SCN1A: variants seen among roughly 807,000 people sequenced by gnomAD.
SCN1A encodes the protein sodium channel protein type 1 subunit alpha.
In SCN1A, 13 loss-of-function variants were observed where a neutral mutation model predicts 193.7. The observed-to-expected ratio is 0.07, with a 90% confidence interval of 0.04 to 0.11. The LOEUF (loss-of-function observed/expected upper bound fraction) is 0.11. Among genes scored for constraint, SCN1A ranks in the 10% least tolerant of loss-of-function variants. The pLI, the probability that SCN1A is intolerant of heterozygous loss-of-function variation, is 1.00. For missense variants in SCN1A, 1,432 were observed against 2,451.1 expected (o/e 0.58, Z 8.78); for synonymous variants, 781 against 843.6 (o/e 0.93, Z 1.29).
At chr2:166,059,190 C>A (rs945594100) in intron 4 of SCN1A, among the ~76,000 whole-genome samples, 2 of 152,096 alleles carry the variant, frequency 1.3e-5, no homozygotes, top group Non-Finnish European at 2.9e-5. Flanking sequence ...CATTATCACT[C>A]TCTTCGTAAT....
At chr2:166,118,298 G>GCTTCTTATTTT (rs371947861) in intron 2 of SCN1A, among the ~76,000 whole-genome samples, 1 of 44,696 alleles carries the variant, frequency 2.2e-5, no homozygotes, top group African/African-American at 7.3e-5. Context: ...TTTCTATTTA[G>GCTTCTTATTTT]TTTCTTTTTT....
intron 2 of SCN1A, among the ~76,000 whole-genome samples, chr2:166,086,062 C>T (rs1686075290): frequency 6.6e-6 from 1 of 151,852 alleles, no homozygotes; most frequent in Non-Finnish European, 1.5e-5. Context: ...AATTCTAAGC[C>T]CCCTGACTGA....
intron 2 of SCN1A, among the ~76,000 whole-genome samples, chr2:166,091,771 T>C (rs899359107): frequency 5.3e-5 from 8 of 152,236 alleles, no homozygotes; most frequent in Non-Finnish European, 1.2e-4. Context: ...GCTTAATGTT[T>C]CTTTCCCCAC....
chr2:166,103,395 GAGCCGAGT>G (rs1387440797), intron 2 of SCN1A, among the ~76,000 whole-genome samples: 2 of 151,818 alleles, frequency 1.3e-5, no homozygotes, highest in Admixed American at 1.3e-4. Context: ...AGGTTGCAGT[GAGCCGAGT>G]TCGCACCGCT....
In SCN1A at chr2:166,013,908, G is replaced by A. The variant is rs1432979521; in HGVS notation, c.3551-10C>T. ...AATCTTTGTACACAGCCTGCAGAAA[G>A]TGTTGAAATAAAAGTAGATAAAGTG... is the stretch of plus-strand genomic sequence containing the variant. On this transcript the variant is annotated splice_polypyrimidine_tract_variant and intron_variant, in intron 20 of 28. Transcript: ENST00000674923. 3 of 1,610,254 alleles carry A rather than the reference G, an allele frequency of 1.9e-6. 1 individual carries two copies. The Admixed American group carries it at 5.0e-5, about 27-fold the overall frequency.
chr2:166,002,861 CTATT>C (rs1239787302), intron 23 of SCN1A, 108 bp from the exon 24 acceptor site: 33 of 894,548 alleles, frequency 3.7e-5, no homozygotes, highest in Non-Finnish European at 2.6e-5. Flanking sequence ...TCTATCAATG[CTATT>C]TATTCTAGGA....
At chr2:166,039,724 G>T (rs1053464268) in intron 16 of SCN1A, 128 bp from the exon 17 acceptor site, 9 of 805,604 alleles carry the variant, frequency 1.1e-5, no homozygotes, top group Non-Finnish European at 1.6e-5. Context: ...AATTTGTATG[G>T]CAATTTGTAG....
chr2:166,097,859 G>T (rs191795752), intron 2 of SCN1A, among the ~76,000 whole-genome samples: 1 of 152,300 alleles, frequency 6.6e-6, no homozygotes, highest in Admixed American at 6.5e-5. Flanking sequence ...GGGATTACAG[G>T]CATGAGCTAT....
chr2:166,107,340 G>A (rs963274913), intron 2 of SCN1A, among the ~76,000 whole-genome samples: 10 of 151,928 alleles, frequency 6.6e-5, no homozygotes, highest in Admixed American at 2.6e-4. Context: ...TCACTGTATC[G>A]TGCAAAGTAC....
intron 2 of SCN1A, among the ~76,000 whole-genome samples, chr2:166,100,597 T>G (rs1206561400): frequency 6.7e-6 from 1 of 149,556 alleles, no homozygotes; most frequent in East Asian, 2.0e-4. Context: ...GGGAGAAAAT[T>G]TTCACAACCT....
rs374087499 is a variant in SCN1A, at chr2:165,996,043, T to C, written c.4551A>G (p.Lys1517=). ...YYNAMKKLGS[K]KPQKPIPRPG... ...GTCGAGGTATAGGCTTTTGCGGTTTTTTCGATCCTAATTTTTTCATTGCAT... is the reference window on the plus strand; with the variant it reads ...GTCGAGGTATAGGCTTTTGCGGTTTCTTCGATCCTAATTTTTTCATTGCAT... The change falls in exon 27 of 29, where the codon AAA becomes AAG. Residue 1517 remains lysine, a synonymous_variant. Coordinates refer to ENST00000674923, the MANE Select transcript of SCN1A (RefSeq NM_001165963.4). 367 of 1,609,700 alleles carry C rather than the reference T, an allele frequency of 2.3e-4. 2 individuals are homozygous for C. In the South Asian group the frequency reaches 3.8e-3, roughly 17 times the overall value.
At chr2:166,135,166 T>A (rs1436396971) in intron 1 of SCN1A, among the ~76,000 whole-genome samples, 1 of 152,194 alleles carries the variant, frequency 6.6e-6, no homozygotes, top group Non-Finnish European at 1.5e-5. Flanking sequence ...ACAATATGAT[T>A]GATTACTTAT....
chr2:166,039,340 C>A, intron 17 of SCN1A, 83 bp downstream of exon 17: 2 of 1,418,402 alleles, frequency 1.4e-6, no homozygotes. Flanking sequence ...GGTTGTGTGG[C>A]AAAAAAACTA....
At chr2:166,076,711 A>T (rs1172612449) in intron 3 of SCN1A, among the ~76,000 whole-genome samples, 1 of 151,942 alleles carries the variant, frequency 6.6e-6, no homozygotes, top group African/African-American at 2.4e-5. Context: ...ATGGAATAGG[A>T]TAGTGAGTGT....
At chr2:166,135,110 C>G (rs575804908) in intron 1 of SCN1A, among the ~76,000 whole-genome samples, 1 of 152,030 alleles carries the variant, frequency 6.6e-6, no homozygotes, top group African/African-American at 2.4e-5. Flanking sequence ...CCCCCTACCC[C>G]CCGACATCCC....
intron 2 of SCN1A, among the ~76,000 whole-genome samples, chr2:166,117,853 C>T (rs1288350533): frequency 6.6e-6 from 1 of 151,974 alleles, no homozygotes; most frequent in Non-Finnish European, 1.5e-5. Context: ...ATCCCAGCTA[C>T]TCAGGAGGCT....
intron 14 of SCN1A, 101 bp downstream of exon 14, chr2:166,043,568 G>A: frequency 7.4e-7 from 1 of 1,352,190 alleles, no homozygotes; most frequent in Non-Finnish European, 1.0e-6. Flanking sequence ...TTCACAGCGT[G>A]ACCAACCAGG....
At chr2:165,984,709 C>T (rs576781023), downstream of SCN1A, 1 of 152,018 alleles carries the variant, frequency 6.6e-6, no homozygotes, top group South Asian at 2.1e-4. Context: ...TGAATTGCTC[C>T]GTGGACATCA....
intron 1 of SCN1A, among the ~76,000 whole-genome samples, chr2:166,141,867 C>A (rs1409580695): frequency 3.3e-5 from 5 of 152,066 alleles, no homozygotes; most frequent in Non-Finnish European, 7.4e-5. Flanking sequence ...TGCCTTTTAA[C>A]CCAGTAGGTA....
Sources: allele counts gnomAD v4.1 joint callset (sites outside exome capture counted in the v4.1 genomes callset), GRCh38; gene constraint gnomAD v4.1.1; transcripts MANE v1.5; gene names NCBI Gene and HGNC (gene_info 2026-07-23, HGNC 2026-07-21).